The following SEMA3A variants were observed in gnomAD, a reference collection of about 807,000 sequenced individuals.
The protein encoded by SEMA3A is semaphorin-3A.
SEMA3A carries 29 observed loss-of-function variants against 97.9 expected under a neutral mutation model. The observed-to-expected ratio is 0.30, with a 90% CI of 0.22 to 0.40. The LOEUF (loss-of-function observed/expected upper bound fraction) is 0.40. Ranked by LOEUF, SEMA3A falls within the 10% of genes least tolerant of loss-of-function variation. The probability of loss-of-function intolerance (pLI) is 1.00; values close to 1 mark genes in which losing one functional copy is unlikely to be tolerated. For synonymous variants in SEMA3A, 321 were observed against 323.7 expected (o/e 0.99, Z 0.09); for missense variants, 763 against 951.3 (o/e 0.80, Z 2.60).
rs1038284742 is a variant in SEMA3A, at chr7:84,151,139, A to G, written c.113-16188T>C. Among the ~76,000 whole-genome samples, 435 of 150,984 alleles carry G rather than the reference A, an allele frequency of 2.9e-3. 4 individuals are homozygous for G. Among genetic ancestry groups the G allele is most frequent in the Non-Finnish European group, 5.4e-3 (365 of 67,196 alleles). On this transcript the variant is annotated intron_variant, in intron 1 of 16. Transcript: ENST00000265362. ...AGTAGATAAAACCACAAAGATGGGG[A>G]AAAAACAGAACAGAAAAACTGGAAA... is the stretch of plus-strand genomic sequence containing the variant.
chr7:84,051,118 T>C (rs1428575312), intron 5 of SEMA3A, among the ~76,000 whole-genome samples: 5 of 150,062 alleles, frequency 3.3e-5, no homozygotes, highest in Admixed American at 2.7e-4. Context: ...TGTAGCCTTG[T>C]AGTATAGTTT....
intron 3 of SEMA3A, among the ~76,000 whole-genome samples, chr7:84,220,414 T>A (rs1562858708): frequency 6.6e-6 from 1 of 152,154 alleles, no homozygotes; most frequent in Non-Finnish European, 1.5e-5. Context: ...TATTTTGACC[T>A]CACCCCATGA....
intron 1 of SEMA3A, among the ~76,000 whole-genome samples, chr7:84,423,218 T>C (rs533323639): frequency 7.1e-6 from 1 of 140,820 alleles, no homozygotes; most frequent in Non-Finnish European, 1.5e-5. Context: ...ACCATTAGAA[T>C]ACTATGAAAA....
chr7:84,403,619 G>A (rs190453440), intron 1 of SEMA3A, among the ~76,000 whole-genome samples: 6,309 of 152,248 alleles, frequency 0.041, 192 homozygotes, highest in Non-Finnish European at 0.063. Context: ...CCTGACCCCC[G>A]AGCAGCCTAA....
intron 1 of SEMA3A, among the ~76,000 whole-genome samples, chr7:84,400,665 A>G (rs1803876748): frequency 6.6e-6 from 1 of 152,208 alleles, no homozygotes; most frequent in Admixed American, 6.5e-5. Flanking sequence ...TCTAAGATTT[A>G]TCGGCCTTAA....
intron 1 of SEMA3A, among the ~76,000 whole-genome samples, chr7:84,471,468 A>T (rs1806145815): frequency 2.0e-5 from 3 of 152,150 alleles, no homozygotes; most frequent in Admixed American, 2.0e-4. Flanking sequence ...AATGTTGCTT[A>T]ATGTAATACA....
chr7:84,315,883 G>A (rs1410770017), intron 2 of SEMA3A, among the ~76,000 whole-genome samples: 3 of 151,470 alleles, frequency 2.0e-5, no homozygotes, highest in Non-Finnish European at 2.9e-5. Context: ...CAATTGTAGG[G>A]ATTACTCTTT....
rs3735515 is a variant in SEMA3A, at chr7:84,002,231, G to A, written c.1361-185C>T. 0.24 allele frequency among the ~76,000 whole-genome samples: 36,152 copies of A among 152,070 alleles called. 4,431 individuals are homozygous for A. The highest frequency in any genetic ancestry group is 0.31 in the South Asian group (1,513 of 4,820). On this transcript the variant is annotated intron_variant, in intron 11 of 16. Coordinates refer to ENST00000265362, the MANE Select transcript of SEMA3A (RefSeq NM_006080.3). ...TGCATTTCATGCAATTAGACAAAGT[G>A]TAAAGGTAAACTATAAACACAATCT...
At chr7:84,076,508 C>G (rs1330879947) in intron 4 of SEMA3A, among the ~76,000 whole-genome samples, 2 of 152,084 alleles carry the variant, frequency 1.3e-5, no homozygotes, top group Non-Finnish European at 1.5e-5. Context: ...ACACTTCAGA[C>G]ATAAAGAGCT....
intron 6 of SEMA3A, among the ~76,000 whole-genome samples, chr7:84,014,590 A>G (rs1018651557): frequency 2.0e-5 from 3 of 152,206 alleles, no homozygotes; most frequent in Non-Finnish European, 4.4e-5. Flanking sequence ...GAGTAGGTGC[A>G]GAAAGAAATC....
chr7:84,067,170 G>A (rs1303348225), intron 4 of SEMA3A, among the ~76,000 whole-genome samples: 2 of 152,158 alleles, frequency 1.3e-5, no homozygotes, highest in Non-Finnish European at 2.9e-5. Flanking sequence ...AAGCAATCGG[G>A]AAAGGATTCC....
At chr7:84,100,144 T>C (rs1161246409) in intron 4 of SEMA3A, among the ~76,000 whole-genome samples, 1 of 152,188 alleles carries the variant, frequency 6.6e-6, no homozygotes, top group African/African-American at 2.4e-5. Context: ...CTCATCCATT[T>C]CCAAATTCCA....
At chr7:84,070,625 A>G (rs1346931069) in intron 4 of SEMA3A, among the ~76,000 whole-genome samples, 1 of 152,122 alleles carries the variant, frequency 6.6e-6, no homozygotes, top group Non-Finnish European at 1.5e-5. Flanking sequence ...ACGGTATTGA[A>G]AGAATGTATG....
chr7:84,125,308 T>C (rs1241803666), intron 3 of SEMA3A, among the ~76,000 whole-genome samples: 1 of 152,214 alleles, frequency 6.6e-6, no homozygotes, highest in African/African-American at 2.4e-5. Flanking sequence ...TATTACAAGG[T>C]GCTGTGAAAT....
At chr7:84,406,727 G>A (rs1804101157) in intron 1 of SEMA3A, among the ~76,000 whole-genome samples, 1 of 152,076 alleles carries the variant, frequency 6.6e-6, no homozygotes, top group Non-Finnish European at 1.5e-5. Flanking sequence ...TTCATCCCTG[G>A]GATGCAAGGC....
chr7:84,220,929 T>C lies in SEMA3A; in HGVS notation c.-82-26261A>G, dbSNP rs888966670. 2.6e-5 allele frequency among the ~76,000 whole-genome samples: 4 copies of C among 152,088 alleles called. No individual in the cohort carries two copies. The East Asian group carries it at 5.8e-4, about 22-fold the overall frequency. ...GCTATATTAGCTTCTAACAAGAGAG[T>C]TGGTCTGTGCTTTCAAATGTTGAAA... On this transcript the variant is annotated intron_variant, in intron 3 of 3. Coordinates refer to the SEMA3A transcript ENST00000424555.
At chr7:84,386,482 T>C (rs1483825001) in intron 1 of SEMA3A, among the ~76,000 whole-genome samples, 1 of 152,132 alleles carries the variant, frequency 6.6e-6, no homozygotes, top group Non-Finnish European at 1.5e-5. Context: ...CCACACTTTA[T>C]TCTCCAAAAT....
intron 3 of SEMA3A, among the ~76,000 whole-genome samples, chr7:84,298,227 A>G (rs1301592104): frequency 1.3e-5 from 2 of 152,182 alleles, no homozygotes; most frequent in Admixed American, 1.3e-4. Context: ...ATAATAACAT[A>G]TGAGTTAAAT....
intron 1 of SEMA3A, among the ~76,000 whole-genome samples, chr7:84,415,694 T>C (rs1804414728): frequency 6.6e-6 from 1 of 152,088 alleles, no homozygotes. Context: ...AGGACATCAA[T>C]AATGAAATAT....
Sources: allele counts gnomAD v4.1 joint callset (sites outside exome capture counted in the v4.1 genomes callset), GRCh38; gene constraint gnomAD v4.1.1; transcripts MANE v1.5; gene names NCBI Gene and HGNC (gene_info 2026-07-23, HGNC 2026-07-21).